MACROD2: variants seen among roughly 807,000 people sequenced by gnomAD.
MACROD2 encodes the protein ADP-ribose glycohydrolase MACROD2.
A neutral mutation model predicts 70.4 loss-of-function variants in MACROD2; 36 were observed. The observed-to-expected ratio is 0.51, with a 90% CI of 0.39 to 0.68. The LOEUF (loss-of-function observed/expected upper bound fraction) is 0.68. Ranked by LOEUF, MACROD2 falls within the 30% of genes least tolerant of loss-of-function variation. The pLI, the probability that MACROD2 is intolerant of heterozygous loss-of-function variation, is 0.00. For synonymous variants in MACROD2, 172 were observed against 178.8 expected (o/e 0.96, Z 0.30); for missense variants, 496 against 538.4 (o/e 0.92, Z 0.78).
At chr20:15,095,078 T>C (rs1473065002) in intron 5 of MACROD2, among the ~76,000 whole-genome samples, 1 of 91,956 alleles carries the variant, frequency 1.1e-5, no homozygotes, top group African/African-American at 3.5e-5. Flanking sequence ...TTTTTTTTTT[T>C]TTTTTTTTTT....
intron 7 of MACROD2, among the ~76,000 whole-genome samples, chr20:15,498,125 T>C (rs2047321147): frequency 6.6e-6 from 1 of 152,236 alleles, no homozygotes; most frequent in African/African-American, 2.4e-5. Context: ...ATAACAGTCA[T>C]TGTCTCTAAG....
At chr20:16,010,922 T>C (rs1405102123) in intron 15 of MACROD2, among the ~76,000 whole-genome samples, 1 of 152,244 alleles carries the variant, frequency 6.6e-6, no homozygotes, top group Admixed American at 6.5e-5. Context: ...GTTCTCCTTT[T>C]AGAAACCAAG....
At chr20:14,016,117 G>A (rs1300931056) in intron 2 of MACROD2, among the ~76,000 whole-genome samples, 1 of 152,138 alleles carries the variant, frequency 6.6e-6, no homozygotes, top group Non-Finnish European at 1.5e-5. Flanking sequence ...ATGCACAGGG[G>A]TTCCAGTTTC....
intron 8 of MACROD2, among the ~76,000 whole-genome samples, chr20:15,760,176 C>A (rs924411395): frequency 1.3e-5 from 2 of 152,320 alleles, no homozygotes; most frequent in East Asian, 3.9e-4. Flanking sequence ...TGGATTGAAT[C>A]ATCGTGAGGA....
chr20:15,846,965 T>C (rs2147140594), intron 8 of MACROD2, among the ~76,000 whole-genome samples: 1 of 121,804 alleles, frequency 8.2e-6, no homozygotes, highest in African/African-American at 3.0e-5. Context: ...CTTCTTCACA[T>C]CCAGGTTCCC....
At chr20:14,444,702 T>C (rs997087289) in intron 3 of MACROD2, among the ~76,000 whole-genome samples, 1 of 152,034 alleles carries the variant, frequency 6.6e-6, no homozygotes. Flanking sequence ...ACTCCACATA[T>C]CCAAAATCAG....
intron 13 of MACROD2, among the ~76,000 whole-genome samples, chr20:15,968,915 T>C (rs541412116): frequency 2.7e-5 from 4 of 150,454 alleles, no homozygotes; most frequent in African/African-American, 9.7e-5. Context: ...TGAAGAACTG[T>C]AAAGCTGAGC....
chr20:14,877,426 A>G (rs530557584), intron 5 of MACROD2, among the ~76,000 whole-genome samples: 3 of 151,826 alleles, frequency 2.0e-5, no homozygotes, highest in East Asian at 3.9e-4. Context: ...TTTTTTTCCT[A>G]TTTGGATGCC....
chr20:14,765,116 C>A (rs1328031463), intron 5 of MACROD2, among the ~76,000 whole-genome samples: 1 of 152,172 alleles, frequency 6.6e-6, no homozygotes, highest in Non-Finnish European at 1.5e-5. Context: ...TATCAAGCAC[C>A]TGGAGTGCAG....
intron 5 of MACROD2, among the ~76,000 whole-genome samples, chr20:15,047,083 C>A (rs2075400378): frequency 6.6e-6 from 1 of 152,166 alleles, no homozygotes; most frequent in African/African-American, 2.4e-5. Context: ...AATGATCTGG[C>A]AGCCCAAGCA....
chr20:15,934,708 G>GT (rs1164616748), intron 11 of MACROD2, among the ~76,000 whole-genome samples: 2 of 151,018 alleles, frequency 1.3e-5, no homozygotes, highest in South Asian at 2.1e-4. Context: ...GTTTTGTTTT[G>GT]TTTTTTTGAG....
intron 2 of MACROD2, among the ~76,000 whole-genome samples, chr20:14,037,086 T>C (rs569710040): frequency 6.6e-6 from 1 of 152,232 alleles, no homozygotes; most frequent in African/African-American, 2.4e-5. Context: ...CATAACATGG[T>C]TTTTTAATGA....
chr20:14,923,076 G>T (rs534020324), intron 5 of MACROD2, among the ~76,000 whole-genome samples: 1 of 152,054 alleles, frequency 6.6e-6, no homozygotes, highest in Admixed American at 6.6e-5. Context: ...AATTGCCAGC[G>T]GTCAATTCTC....
chr20:15,435,358 T>C (rs1042091535), intron 7 of MACROD2, among the ~76,000 whole-genome samples: 1 of 152,178 alleles, frequency 6.6e-6, no homozygotes, highest in African/African-American at 2.4e-5. Flanking sequence ...TTAATAATAA[T>C]ATTTATTTGT....
chr20:15,821,530 A>C (rs2063937986), intron 8 of MACROD2, among the ~76,000 whole-genome samples: 1 of 152,176 alleles, frequency 6.6e-6, no homozygotes, highest in African/African-American at 2.4e-5. Context: ...TAGTTTTCTT[A>C]TTGAAATAAA....
At chr20:14,103,782 TATTC>T (rs1161699495) in intron 3 of MACROD2, among the ~76,000 whole-genome samples, 1 of 152,214 alleles carries the variant, frequency 6.6e-6, no homozygotes, top group African/African-American at 2.4e-5. Context: ...AGCTACATGA[TATTC>T]AATCATATAC....
intron 2 of MACROD2, among the ~76,000 whole-genome samples, chr20:14,085,379 T>C (rs2054064220): frequency 6.6e-6 from 1 of 152,136 alleles, no homozygotes; most frequent in African/African-American, 2.4e-5. Context: ...GAATTTCTTG[T>C]TGACCAATAT....
At chr20:14,735,576 G>C (rs762035634) in intron 5 of MACROD2, among the ~76,000 whole-genome samples, 9 of 152,178 alleles carry the variant, frequency 5.9e-5, no homozygotes, top group Non-Finnish European at 1.2e-4. Context: ...AGGCTGGCAT[G>C]GTGGCTCATG....
intron 5 of MACROD2, among the ~76,000 whole-genome samples, chr20:15,148,612 A>C (rs1387454955): frequency 6.6e-6 from 1 of 151,942 alleles, no homozygotes; most frequent in African/African-American, 2.4e-5. Flanking sequence ...AACAGCACAG[A>C]TGACAAGTTT....
Sources: gnomAD v4.1 joint callset for allele counts (sites outside exome capture counted in the v4.1 genomes callset) on GRCh38, gnomAD v4.1.1 for gene constraint, MANE v1.5 for transcripts, NCBI Gene and HGNC (gene_info 2026-07-23, HGNC 2026-07-21) for gene names.